The following SEC24A variants were observed in gnomAD, a reference collection of about 807,000 sequenced individuals.
SEC24A encodes the protein SEC24 homolog A, COPII component.
Under a neutral mutation model 129.4 loss-of-function variants are expected in SEC24A, and 93 were observed. That is an observed-to-expected ratio of 0.72 (90% CI 0.61 to 0.85). The LOEUF is 0.85. Among genes scored for constraint, SEC24A ranks in the 40% least tolerant of loss-of-function variants. The pLI, the probability that SEC24A is intolerant of heterozygous loss-of-function variation, is 0.00. For missense variants in SEC24A, 1,264 were observed against 1,307.4 expected, an observed-to-expected ratio of 0.97 and a Z score of 0.51; for synonymous variants, 460 against 467.3, an observed-to-expected ratio of 0.98 and a Z score of 0.20.
At position 134,672,440 on chromosome 5, in the gene SEC24A, G is replaced by A. The variant is rs535250051; in HGVS notation, c.817+554G>A. On this transcript the variant is annotated intron_variant, in intron 4 of 22. Coordinates refer to ENST00000398844, the MANE Select transcript of SEC24A (RefSeq NM_021982.3). ...TGACCTCAAGTGATCTGCCCGCCTC[G>A]GCCTCCCAAAGTGCTGGGATTATAG... Among the ~76,000 whole-genome samples, 8 of 151,982 alleles carry A rather than the reference G, an allele frequency of 5.3e-5. No individual in the cohort carries two copies. The South Asian group carries it at 6.3e-4, about 12-fold the overall frequency.
At position 134,674,706 on chromosome 5, in the gene SEC24A, A is replaced by G; in HGVS notation, c.909A>G (p.Thr303=). The change falls in exon 5 of 23, where the codon ACA becomes ACG. Residue 303 remains threonine (T), a synonymous_variant. Coordinates refer to ENST00000398844, the MANE Select transcript of SEC24A (RefSeq NM_021982.3). ...PSLPPGYQNT[T]PPGATGVPPS... Reference sequence around the variant, plus strand: ...TACCACCTGGTTATCAGAACACAACACCACCTGGTGCAACTGGAGTACCAC... The same window carrying G: ...TACCACCTGGTTATCAGAACACAACGCCACCTGGTGCAACTGGAGTACCAC... The G allele has an allele frequency of 6.2e-7, 1 of 1,614,012 alleles. No individual in the cohort carries two copies. Among genetic ancestry groups the G allele is most frequent in the Non-Finnish European group, 8.5e-7 (1 of 1,179,942 alleles).
At chr5:134,664,678 A>G (rs1408354641) in intron 2 of SEC24A, among the ~76,000 whole-genome samples, 1 of 151,430 alleles carries the variant, frequency 6.6e-6, no homozygotes, top group African/African-American at 2.4e-5. Flanking sequence ...ATGTGTGACC[A>G]CTTCTTTGAT....
intron 4 of SEC24A, among the ~76,000 whole-genome samples, 163 bp downstream of exon 4, chr5:134,672,049 ACT>A (rs1255470942): frequency 6.6e-6 from 1 of 151,976 alleles, no homozygotes; most frequent in Non-Finnish European, 1.5e-5. Flanking sequence ...ACAGGGTCTC[ACT>A]CTGTCGCTCA....
chr5:134,663,513 C>T (rs1489852982), intron 2 of SEC24A, among the ~76,000 whole-genome samples: 1 of 152,108 alleles, frequency 6.6e-6, no homozygotes, highest in African/African-American at 2.4e-5. Context: ...TTTGGGAAAA[C>T]ATTTATTTAA....
At chr5:134,713,725 A>G (rs1299657213) in intron 18 of SEC24A, among the ~76,000 whole-genome samples, 1 of 152,028 alleles carries the variant, frequency 6.6e-6, no homozygotes, top group East Asian at 1.9e-4. Context: ...ATCAATTGGA[A>G]TACTTAAAAC....
intron 3 of SEC24A, among the ~76,000 whole-genome samples, chr5:134,667,850 T>C (rs1750720360): frequency 6.6e-6 from 1 of 152,154 alleles, no homozygotes. Flanking sequence ...GTAAAATATG[T>C]TAAAGCATCA....
In SEC24A at chr5:134,658,132, T is replaced by C. The variant is rs573693951; in HGVS notation, c.98-2987T>C. On this transcript the variant is annotated intron_variant, in intron 1 of 22. Coordinates refer to ENST00000398844, the MANE Select transcript of SEC24A (RefSeq NM_021982.3). ...AAAAATACAAAATTAGCCAGCGTGG[T>C]GGTGCACACCTGTAATCCTAGCTAC... 2.3e-4 allele frequency among the ~76,000 whole-genome samples: 35 copies of C among 152,122 alleles called. 2 individuals are homozygous for C. The South Asian group carries it at 7.3e-3, about 32-fold the overall frequency.
intron 19 of SEC24A, among the ~76,000 whole-genome samples, chr5:134,716,987 C>A (rs936811057): frequency 6.7e-6 from 1 of 149,770 alleles, no homozygotes; most frequent in Non-Finnish European, 1.5e-5. Context: ...TCAAAGAATT[C>A]TCCTGCCTCA....
rs1212781344 is a variant in SEC24A, at chr5:134,679,707, T to G, written c.1360T>G (p.Leu454Val). 9 of 1,596,344 alleles carry G rather than the reference T, an allele frequency of 5.6e-6. No individual in the cohort carries two copies. Among genetic ancestry groups the G allele is most frequent in the Non-Finnish European group, 7.7e-6 (9 of 1,168,290 alleles). ...TGATCAAAGGAGATGGAAGTGTAAC[T>G]TATGTTATCGAGTCAATGATGGTAT... The part of the protein sequence containing the change: ...FLDQRRWKCN[L>V]CYRVNDVPEE... Residue 454 changes from leucine (L) to valine (V), a missense_variant, in exon 8 of 23, where the codon TTA (leucine) becomes GTA (valine). Physicochemically the swap from Leu to Val is conservative, Grantham distance 32. Transcript: ENST00000398844.
intron 3 of SEC24A, among the ~76,000 whole-genome samples, chr5:134,670,898 A>G (rs1334214519): frequency 1.3e-5 from 2 of 151,996 alleles, no homozygotes; most frequent in African/African-American, 4.8e-5. Flanking sequence ...CTGAGGCAGG[A>G]GAATCCCTTG....
At chr5:134,670,796 T>C (rs1191254718) in intron 3 of SEC24A, among the ~76,000 whole-genome samples, 2 of 152,108 alleles carry the variant, frequency 1.3e-5, no homozygotes, top group Non-Finnish European at 2.9e-5. Context: ...GAGACCATCC[T>C]GGCCAACATG....
intron 2 of SEC24A, among the ~76,000 whole-genome samples, chr5:134,665,480 T>G (rs911742526): frequency 5.3e-5 from 8 of 151,894 alleles, no homozygotes; most frequent in Non-Finnish European, 1.0e-4. Context: ...AAAGTGTTCC[T>G]TCTGCCTCGG....
At chr5:134,682,533 T>C in intron 9 of SEC24A, 51 bp downstream of exon 9, 1 of 924,584 alleles carries the variant, frequency 1.1e-6, no homozygotes, top group Non-Finnish European at 1.7e-6. Context: ...TACCAGGTTT[T>C]AAGTAAAACA....
At chr5:134,692,062 T>C (rs1751675184) in intron 11 of SEC24A, among the ~76,000 whole-genome samples, 1 of 148,080 alleles carries the variant, frequency 6.8e-6, no homozygotes, top group Non-Finnish European at 1.5e-5. Context: ...CTTTCCTTTT[T>C]TTTTTTTTTT....
rs1427847502 is a variant in SEC24A at position 134,698,924 on chromosome 5, C to T, written c.2266+867C>T. 2.6e-5 allele frequency among the ~76,000 whole-genome samples: 4 copies of T among 151,944 alleles called. No homozygotes were observed. In the East Asian group the frequency reaches 7.7e-4, roughly 29 times the overall value. On this transcript the variant is annotated intron_variant, in intron 15 of 22. Transcript: ENST00000398844. Reference sequence around the variant, plus strand: ...CTGGGATTACAGGTGTGAGTGACCGCACACAGCCTAGACCCTTTTTTGACA... The same window carrying T: ...CTGGGATTACAGGTGTGAGTGACCGTACACAGCCTAGACCCTTTTTTGACA...
At chr5:134,710,503 G>T (rs1432912944) in intron 18 of SEC24A, among the ~76,000 whole-genome samples, 1 of 152,088 alleles carries the variant, frequency 6.6e-6, no homozygotes, top group Non-Finnish European at 1.5e-5. Context: ...AAAGTGCAGG[G>T]ATTACAGCCG....
intron 21 of SEC24A, among the ~76,000 whole-genome samples, chr5:134,721,561 CAAAAAAAAA>C (rs757908828): frequency 3.6e-5 from 2 of 55,416 alleles, no homozygotes; most frequent in African/African-American, 7.1e-5. Flanking sequence ...GACTCCATCT[CAAAAAAAAA>C]AAAAAAAAAA....
intron 11 of SEC24A, among the ~76,000 whole-genome samples, chr5:134,690,967 C>T (rs1751626651): frequency 6.6e-6 from 1 of 151,944 alleles, no homozygotes; most frequent in Admixed American, 6.6e-5. Flanking sequence ...TCTCATGCCT[C>T]AGCCTTCCGA....
intron 17 of SEC24A, among the ~76,000 whole-genome samples, chr5:134,707,164 A>G (rs1752189218): frequency 6.6e-6 from 1 of 152,028 alleles, no homozygotes; most frequent in Non-Finnish European, 1.5e-5. Context: ...TTCAAACTTA[A>G]TTCTGTCTGT....
Sources: allele counts gnomAD v4.1 joint callset (sites outside exome capture counted in the v4.1 genomes callset), GRCh38; gene constraint gnomAD v4.1.1; transcripts MANE v1.5; gene names NCBI Gene and HGNC (gene_info 2026-07-23, HGNC 2026-07-21).